LAMC2: variants seen among roughly 807,000 people sequenced by gnomAD.
LAMC2 encodes laminin subunit gamma 2.
In LAMC2, 97 loss-of-function variants were observed where a neutral mutation model predicts 140.2. The ratio of observed to expected loss-of-function variants is 0.69; its 90% confidence interval spans 0.59 to 0.82. The LOEUF (loss-of-function observed/expected upper bound fraction) is 0.82, where lower values mean the gene tolerates loss of function less well. Ranked by LOEUF, LAMC2 falls within the 40% of genes least tolerant of loss-of-function variation. LAMC2 has a pLI of 0.00. For synonymous variants in LAMC2, 513 were observed against 540.2 expected, an observed-to-expected ratio of 0.95 and a Z score of 0.70; for missense variants, 1,402 against 1,476.1, an observed-to-expected ratio of 0.95 and a Z score of 0.82.
In LAMC2 at chr1:183,215,495, G is replaced by A. The variant is rs756914800; in HGVS notation, c.311G>A (p.Cys104Tyr). 3 of 1,614,166 alleles carry A rather than the reference G, an allele frequency of 1.9e-6. No individual in the cohort carries two copies. The highest frequency in any genetic ancestry group is 2.5e-6 in the Non-Finnish European group (3 of 1,180,026). Reference protein sequence around the residue: ...ARCDNSGRCSCKPGVTGARCD... With the variant: ...ARCDNSGRCSYKPGVTGARCD... The stretch of plus-strand genomic sequence containing the variant: ...TGTGACAACTCCGGACGGTGCAGCT[G>A]TAAACCAGGTGTGACAGGAGCCAGA... The change falls in exon 3 of 23, where the codon TGT becomes TAT. Residue 104 changes from cysteine (C) to tyrosine (Y), a missense_variant. Physicochemically the swap from Cys to Tyr is radical, Grantham distance 194. Around this residue, in one of 3 missense-constraint regions of LAMC2, gnomAD observed 723 missense variants for 783.3 expected, o/e 0.92. Coordinates refer to ENST00000264144, the MANE Select transcript of LAMC2 (RefSeq NM_005562.3).
At chr1:183,205,622 G>T (rs1658858541) in intron 1 of LAMC2, among the ~76,000 whole-genome samples, 1 of 152,304 alleles carries the variant, frequency 6.6e-6, no homozygotes, top group Admixed American at 6.5e-5. Flanking sequence ...CATAGGAAGT[G>T]GTTGAAAGAC....
Position 183,215,972 on chromosome 1 carries a change from T to C in LAMC2, c.404+384T>C, listed in dbSNP as rs1002476421. Among the ~76,000 whole-genome samples the C allele has an allele frequency of 7.2e-5, 11 of 152,132 alleles. No individual in the cohort carries two copies. The South Asian group carries it at 1.2e-3, about 17-fold the overall frequency. ...GGGACCCATTTTGGCCCCAGTGAAT[T>C]TGGGTGGAACTGTTCTGCATAATCT... On this transcript the variant is annotated intron_variant, in intron 3 of 22. Transcript: ENST00000264144.
At position 183,209,436 on chromosome 1, in the gene LAMC2, G is replaced by A. The variant is rs998181235; in HGVS notation, c.268+1367G>A. On this transcript the variant is annotated intron_variant, in intron 2 of 22. Transcript: ENST00000264144. ...CCCTGTGGTGAGATAGGCCCATATC[G>A]CAGCAGTCACCCCCCAAATTCACCT... is the stretch of plus-strand genomic sequence containing the variant. Among the ~76,000 whole-genome samples the A allele has an allele frequency of 5.3e-5, 8 of 152,122 alleles. No homozygotes were observed. In the East Asian group the frequency reaches 1.2e-3, roughly 22 times the overall value.
chr1:183,203,210 C>T (rs1427107675), intron 1 of LAMC2, among the ~76,000 whole-genome samples: 1 of 152,166 alleles, frequency 6.6e-6, no homozygotes, highest in Non-Finnish European at 1.5e-5. Flanking sequence ...ATGTTGACTA[C>T]AACAGGCATC....
chr1:183,253,120 A>G, the LAMC2 span, among the ~76,000 whole-genome samples: 1 of 151,922 alleles, frequency 6.6e-6, no homozygotes, highest in Non-Finnish European at 1.5e-5. Flanking sequence ...TGTATTCACT[A>G]TTCTTTTTTC....
rs1186336421 is a variant in LAMC2, at chr1:183,232,285, G to T, written c.1956G>T (p.Arg652Ser). The change falls in exon 13 of 23, where the codon AGG becomes AGT. Residue 652 changes from arginine to serine, a missense_variant. Transcript: ENST00000264144. ...TACCTGATACAGAGCTGGAAGGCAGGATGCAGCAGGCTGAGCAGGCCCTTC... is the reference window on the plus strand; with the variant it reads ...TACCTGATACAGAGCTGGAAGGCAGTATGCAGCAGGCTGAGCAGGCCCTTC... ...GVVPDTELEG[R>S]MQQAEQALQD... is the part of the protein sequence containing the mutation. The T allele has an allele frequency of 6.2e-7, 1 of 1,613,986 alleles. No homozygotes were observed. The highest frequency in any genetic ancestry group is 1.7e-5 in the Admixed American group (1 of 60,008).
chr1:183,243,103 C>T lies in LAMC2; in HGVS notation c.3329-44C>T, dbSNP rs542573795. The T allele has an allele frequency of 2.5e-6, 4 of 1,612,510 alleles. No homozygotes were observed. In the African/African-American group the frequency reaches 4.0e-5, roughly 16 times the overall value. On this transcript the variant is annotated intron_variant, in intron 22 of 22. Coordinates refer to ENST00000264144, the MANE Select transcript of LAMC2 (RefSeq NM_005562.3). ...GGCACGGGTGTTCAAGGAGATCTAACTACAGCTTTTCTATGTTAACTTGTG... is the reference window on the plus strand; with the variant it reads ...GGCACGGGTGTTCAAGGAGATCTAATTACAGCTTTTCTATGTTAACTTGTG...
chr1:183,200,145 C>A (rs1658660489), intron 1 of LAMC2, among the ~76,000 whole-genome samples: 1 of 152,118 alleles, frequency 6.6e-6, no homozygotes, highest in Non-Finnish European at 1.5e-5. Flanking sequence ...AATCCCAGCA[C>A]TTTGGGAGGC....
rs1660184590 is a variant in LAMC2 at position 183,243,604 on chromosome 1, T to A, written c.*204T>A. 5 of 631,086 alleles carry A rather than the reference T, an allele frequency of 7.9e-6. No homozygotes were observed. The highest frequency in any genetic ancestry group is 1.4e-5 in the Non-Finnish European group (5 of 354,412). The allele number at this position is 631,086 out of a possible 1,614,324, so 39.1% of individuals were successfully genotyped here. On this transcript the variant is annotated 3_prime_UTR_variant, in exon 23 of 23. Transcript: ENST00000264144. ...CTCCTTGCTTCCTGATGCTGGGCAATGAGGCAGATAGCACTGGGTGTGAGA... is the reference window on the plus strand; with the variant it reads ...CTCCTTGCTTCCTGATGCTGGGCAAAGAGGCAGATAGCACTGGGTGTGAGA...
Position 183,237,488 on chromosome 1 carries a change from G to A in LAMC2, c.2738G>A (p.Gly913Glu). 6.2e-7 allele frequency: 1 copy of A among 1,613,934 alleles called. No homozygotes were observed. The change falls in exon 18 of 23, where the codon GGA (glycine) becomes GAA (glutamate). Residue 913 changes from glycine (G) to glutamate (E), a missense_variant. Gly to Glu is a moderately conservative substitution (Grantham distance 98, BLOSUM62 -2). This residue lies in a region of LAMC2 where 670 missense variants were observed against 667.2 expected (regional missense o/e 1.00). Coordinates refer to ENST00000264144, the MANE Select transcript of LAMC2 (RefSeq NM_005562.3). ...GAAGCACAGCAGCTCTTACAGAATG[G>A]AAAAAGTGGGAGAGAGGTATTCTTT... ...KEEAQQLLQN[G>E]KSGREKSDQL...
At chr1:183,188,718 A>T (rs1453070485) in intron 1 of LAMC2, among the ~76,000 whole-genome samples, 5 of 152,234 alleles carry the variant, frequency 3.3e-5, no homozygotes, top group African/African-American at 1.2e-4. Context: ...ATTTGCCCAG[A>T]GATCAGAAAG....
At chr1:183,219,068 A>G (rs1659380846) in intron 4 of LAMC2, among the ~76,000 whole-genome samples, 1 of 152,210 alleles carries the variant, frequency 6.6e-6, no homozygotes, top group African/African-American at 2.4e-5. Context: ...CATCCCCCCA[A>G]GCTGCCGGTG....
Position 183,223,379 on chromosome 1 carries a change from A to G in LAMC2, c.953+55A>G, listed in dbSNP as rs999833055. 1.2e-5 allele frequency: 19 copies of G among 1,521,132 alleles called. No individual in the cohort carries two copies. The African/African-American group carries it at 1.8e-4, about 14-fold the overall frequency. The allele number at this position is 1,521,132 out of a possible 1,614,324, so 94.2% of individuals were successfully genotyped here. The stretch of plus-strand genomic sequence containing the variant: ...TAGAGCAAACTATGATTGAAGTTCA[A>G]GTTTGTTCTTTATTCATTCAATCAT... On this transcript the variant is annotated intron_variant, in intron 7 of 22. Transcript: ENST00000264144.
chr1:183,254,772 T>C, the LAMC2 span, among the ~76,000 whole-genome samples: 2 of 152,342 alleles, frequency 1.3e-5, no homozygotes, highest in South Asian at 4.1e-4. Context: ...ATATGTTTTC[T>C]TGCTATTTTG....
intron 4 of LAMC2, among the ~76,000 whole-genome samples, chr1:183,220,207 A>G (rs1659424913): frequency 6.6e-6 from 1 of 152,106 alleles, no homozygotes; most frequent in Non-Finnish European, 1.5e-5. Flanking sequence ...AAGCCACTGG[A>G]GGGATTGAGC....
At chr1:183,210,439 T>G (rs550594391) in intron 2 of LAMC2, among the ~76,000 whole-genome samples, 130 of 152,298 alleles carry the variant, frequency 8.5e-4, no homozygotes, top group African/African-American at 3.0e-3. Context: ...AATTGTGAAT[T>G]GATGTAGTTG....
intron 1 of LAMC2, among the ~76,000 whole-genome samples, chr1:183,198,145 T>C (rs200589766): frequency 0.34 from 50,250 of 147,328 alleles, 9,216 homozygotes; most frequent in East Asian, 0.43. Flanking sequence ...TCTTTCTTTT[T>C]TTTTTTTTTT....
chr1:183,215,850 G>A (rs985446398), intron 3 of LAMC2, among the ~76,000 whole-genome samples: 10 of 152,150 alleles, frequency 6.6e-5, no homozygotes, highest in African/African-American at 2.2e-4. Context: ...TAATACTTAA[G>A]CTCAGAGTTT....
At chr1:183,229,482 C>T (rs551240439) in intron 11 of LAMC2, among the ~76,000 whole-genome samples, 160 of 151,966 alleles carry the variant, frequency 1.1e-3, no homozygotes, top group African/African-American at 3.7e-3. Flanking sequence ...ACTAAAAATA[C>T]AAATATTAGC....
Sources: gnomAD v4.1 joint callset for allele counts (sites outside exome capture counted in the v4.1 genomes callset) on GRCh38, gnomAD v4.1.1 for gene constraint, gnomAD v4.1.1 regional missense constraint, MANE v1.5 for transcripts, NCBI Gene and HGNC (gene_info 2026-07-23, HGNC 2026-07-21) for gene names.